The following NBPF14 variants were observed in gnomAD, a reference collection of about 807,000 sequenced individuals.
NBPF14 encodes the protein NBPF member 14.
In NBPF14, 104 loss-of-function variants were observed where a neutral mutation model predicts 91.2. The observed-to-expected ratio is 1.14, with a 90% CI of 0.97 to 1.34. NBPF14 has a LOEUF of 1.34. Among genes scored for constraint, NBPF14 ranks in the 40% most tolerant of loss-of-function variants. The pLI is 0.00. For missense variants in NBPF14, 908 were observed against 783.0 expected (o/e 1.16, Z -1.91); for synonymous variants, 294 against 303.8 (o/e 0.97, Z 0.34).
chr1:148,586,651 G>GTTC (rs1264644526), intron 8 of NBPF14, among the ~76,000 whole-genome samples, 182 bp from the exon 9 acceptor site: 2 of 147,752 alleles, frequency 1.4e-5, no homozygotes, highest in Non-Finnish European at 3.0e-5. Context: ...GGCTTCCTCT[G>GTTC]TATCAGAGAG....
chr1:148,534,668 A>T lies in NBPF14; in HGVS notation c.8614+16T>A. On this transcript the variant is annotated intron_variant, in intron 69 of 70. Transcript: ENST00000619423. ...GACCAGGTGGAGGCTTATCACCTTC[A>T]TAGTAAGGTACTCACTGTCCACGTC... is the stretch of plus-strand genomic sequence containing the variant. 2 of 803,706 alleles carry T rather than the reference A, an allele frequency of 2.5e-6. No individual in the cohort carries two copies. The highest frequency in any genetic ancestry group is 1.8e-5 in the Admixed American group (1 of 57,136). 49.8% of individuals were successfully genotyped at this position (803,706 alleles called of 1,614,324 possible).
chr1:148,534,431 G>A lies in NBPF14; in HGVS notation c.8614+253C>T, dbSNP rs1315280991. ...CTCTGAATTTGTCACATCTGCCCAG[G>A]TCCAATGTCATGAGAATAGGATCAG... On this transcript the variant is annotated intron_variant, in intron 69 of 70. Transcript: ENST00000619423. 2.6e-5 allele frequency among the ~76,000 whole-genome samples: 4 copies of A among 151,668 alleles called. No individual in the cohort carries two copies. In the South Asian group the frequency reaches 6.2e-4, roughly 24 times the overall value.
chr1:148,589,887 C>T (rs1662167433), intron 6 of NBPF14, among the ~76,000 whole-genome samples: 1 of 147,840 alleles, frequency 6.8e-6, no homozygotes, highest in African/African-American at 2.5e-5. Context: ...CGCCAAGTAA[C>T]ATGCCAGCTA....
chr1:148,587,381 G>A, exon 8 of NBPF14: 1 of 1,581,354 alleles, frequency 6.3e-7, no homozygotes, highest in Non-Finnish European at 8.6e-7. Context: ...TAAATTTTAT[G>A]AGGTCTTTGC....
chr1:148,572,754 C>T lies in NBPF14; in HGVS notation c.2586-139G>A, dbSNP rs1388394449. 7 of 550,212 alleles carry T rather than the reference C, an allele frequency of 1.3e-5. 1 individual carries two copies. The highest frequency in any genetic ancestry group is 1.3e-4 in the African/African-American group (3 of 23,592). 34.1% of individuals were successfully genotyped at this position (550,212 alleles called of 1,614,324 possible). On this transcript the variant is annotated intron_variant, in intron 20 of 70. Coordinates refer to ENST00000619423, the Ensembl canonical transcript of NBPF14. ...CATTAATGAGGTAACAAATTATTGC[C>T]TTTATGTTGGGATAGAACAGGGCCA...
exon 71 of NBPF14, chr1:148,532,228 G>A (rs1447307465): frequency 7.9e-5 from 12 of 151,056 alleles, no homozygotes; most frequent in African/African-American, 2.9e-4. Flanking sequence ...CAGTTGTCTG[G>A]TGATTACCTC....
At chr1:148,532,470 A>G (rs2149462973) in exon 71 of NBPF14, 1 of 152,772 alleles carries the variant, frequency 6.5e-6, no homozygotes, top group East Asian at 1.9e-4. Flanking sequence ...GGCTTCTCTA[A>G]CCAAAGGAGT....
chr1:148,535,235 C>T (rs1261093501), intron 68 of NBPF14, among the ~76,000 whole-genome samples: 1 of 150,284 alleles, frequency 6.7e-6, no homozygotes. Flanking sequence ...TGCCATACAG[C>T]CTTTGAGGTA....
intron 70 of NBPF14, 111 bp downstream of exon 70, chr1:148,533,750 A>T (rs1483025661): frequency 7.9e-6 from 6 of 759,220 alleles, no homozygotes; most frequent in Non-Finnish European, 1.4e-5. Flanking sequence ...TGACAGTAGG[A>T]GTAATTCAGC....
chr1:148,566,724 T>C (rs1232039328), intron 28 of NBPF14, among the ~76,000 whole-genome samples: 1 of 112,746 alleles, frequency 8.9e-6, no homozygotes, highest in Admixed American at 8.2e-5. Flanking sequence ...ACCATGAGAA[T>C]ACAGTGTTTG....
exon 8 of NBPF14, chr1:148,587,333 A>C (rs1661716795): frequency 6.3e-7 from 1 of 1,581,508 alleles, no homozygotes; most frequent in Admixed American, 1.7e-5. Flanking sequence ...GCTGCTCCGC[A>C]AGCTTCTCCT....
chr1:148,576,213 A>G lies in NBPF14; in HGVS notation c.2078+197T>C, dbSNP rs1398900482. 1.5e-4 allele frequency among the ~76,000 whole-genome samples: 18 copies of G among 117,148 alleles called. 1 individual carries two copies. Among genetic ancestry groups the G allele is most frequent in the Non-Finnish European group, 2.5e-4 (15 of 60,366 alleles). 76.9% of individuals were successfully genotyped at this position (117,148 alleles called of 152,430 possible). ...ACAGCCTTTGAGGTATGGTCAACCTATAGTAAGTGAGTAAATGATAAGGGG... is the reference window on the plus strand; with the variant it reads ...ACAGCCTTTGAGGTATGGTCAACCTGTAGTAAGTGAGTAAATGATAAGGGG... On this transcript the variant is annotated intron_variant, in intron 16 of 70. Transcript: ENST00000619423.
chr1:148,589,967 G>C lies in NBPF14; in HGVS notation c.779-574C>G, dbSNP rs1316536065. Among the ~76,000 whole-genome samples the C allele has an allele frequency of 8.8e-5, 13 of 147,020 alleles. 2 individuals carry two copies. The highest frequency in any genetic ancestry group is 1.1e-4 in the Non-Finnish European group (7 of 65,786). ...GGCTGGTTTCGAACTCCTGAGCTCAGGTGTTCCGCCCACCTCAGCCTCCCA... is the reference window on the plus strand; with the variant it reads ...GGCTGGTTTCGAACTCCTGAGCTCACGTGTTCCGCCCACCTCAGCCTCCCA... On this transcript the variant is annotated intron_variant, in intron 6 of 70. Transcript: ENST00000619423.
rs1223093351 is a variant in NBPF14 at position 148,559,825 on chromosome 1, T to A, written c.4697A>T (p.Gln1566Leu). The change falls in exon 37 of 71, where the codon CAG becomes CTG. Residue 1566 changes from glutamine (Q) to leucine (L), a missense_variant. Physicochemically the swap from Gln to Leu is moderately radical, Grantham distance 113. Transcript: ENST00000619423. ...GTCAACAGCCAAGCCAACACGCTGC[T>A]GCTCCAATATGTAAAAGGCACTTCT... 9 of 1,535,134 alleles carry A rather than the reference T, an allele frequency of 5.9e-6. No homozygotes were observed. The Admixed American group carries it at 8.9e-5, about 15-fold the overall frequency.
chr1:148,532,388 C>T (rs1214772754), exon 71 of NBPF14: 1 of 163,770 alleles, frequency 6.1e-6, no homozygotes, highest in African/African-American at 2.4e-5. Flanking sequence ...GGGCTAAGGC[C>T]TCCCAATGCT....
exon 10 of NBPF14, chr1:148,585,198 T>G: frequency 6.3e-7 from 1 of 1,585,014 alleles, no homozygotes; most frequent in Non-Finnish European, 8.6e-7. Context: ...ATCTTCATCG[T>G]CATCGTTGTC....
chr1:148,595,179 C>A (rs1461882159), intron 2 of NBPF14, among the ~76,000 whole-genome samples: 1 of 146,722 alleles, frequency 6.8e-6, no homozygotes, highest in African/African-American at 2.5e-5. Context: ...GTTCACTAGT[C>A]CTAGACATTT....
intron 41 of NBPF14, 50 bp downstream of exon 41, chr1:148,556,640 T>G: frequency 1.1e-5 from 1 of 88,118 alleles, no homozygotes; most frequent in Non-Finnish European, 1.8e-5. Context: ...ATATGATCTT[T>G]ATATGGAAGA....
At chr1:148,535,195 T>C (rs1432002456) in intron 68 of NBPF14, among the ~76,000 whole-genome samples, 1 of 149,908 alleles carries the variant, frequency 6.7e-6, no homozygotes, top group Non-Finnish European at 1.5e-5. Context: ...TCAATAATTT[T>C]CCATAAACTT....
Sources: allele counts gnomAD v4.1 joint callset (sites outside exome capture counted in the v4.1 genomes callset), GRCh38; gene constraint gnomAD v4.1.1; transcripts MANE v1.5; gene names NCBI Gene and HGNC (gene_info 2026-07-23, HGNC 2026-07-21).